IRAK1BP1: variants seen among roughly 807,000 people sequenced by gnomAD.
The protein encoded by IRAK1BP1 is interleukin-1 receptor-associated kinase 1-binding protein 1.
IRAK1BP1 carries 24 observed loss-of-function variants against 28.0 expected under a neutral mutation model. That is an observed-to-expected ratio of 0.86 (90% CI 0.62 to 1.20). The LOEUF (loss-of-function observed/expected upper bound fraction) is 1.20. Among genes scored for constraint, IRAK1BP1 ranks in the 50% most tolerant of loss-of-function variants. The pLI is 0.00. For synonymous variants in IRAK1BP1, 131 were observed against 116.3 expected (o/e 1.13, Z -0.81); for missense variants, 336 against 316.7 (o/e 1.06, Z -0.46).
At chr6:78,974,030 T>C in the IRAK1BP1 span, among the ~76,000 whole-genome samples, 610 of 152,302 alleles carry the variant, frequency 4.0e-3, 1 homozygote, top group African/African-American at 0.013. Flanking sequence ...GCAGACCTAA[T>C]AGACTTCTGC....
intron 1 of IRAK1BP1, among the ~76,000 whole-genome samples, chr6:78,870,109 CAAAAAAAAAAAA>C (rs70977749): frequency 1.2e-4 from 5 of 41,562 alleles, no homozygotes; most frequent in African/African-American, 2.1e-4. Flanking sequence ...AACTCCGTCC[CAAAAAAAAAAAA>C]AAAAAAAAAA....
At chr6:78,913,374 A>C (rs1395349638) in intron 4 of IRAK1BP1, among the ~76,000 whole-genome samples, 3 of 149,246 alleles carry the variant, frequency 2.0e-5, no homozygotes, top group Non-Finnish European at 1.5e-5. Context: ...GGCCGGGCGC[A>C]GTGGCTCACG....
chr6:78,970,943 T>C, the IRAK1BP1 span: 3 of 1,185,640 alleles, frequency 2.5e-6, no homozygotes, highest in Non-Finnish European at 3.6e-6. Flanking sequence ...TAATCCAATA[T>C]ACAGGGTATC....
At chr6:78,970,722 T>G in the IRAK1BP1 span, 23 of 1,099,906 alleles carry the variant, frequency 2.1e-5, no homozygotes, top group East Asian at 5.5e-4. Context: ...TTGATACAAT[T>G]TTCTCCAAAT....
chr6:78,888,546 C>T (rs1203815981), intron 2 of IRAK1BP1, among the ~76,000 whole-genome samples: 2 of 145,754 alleles, frequency 1.4e-5, no homozygotes, highest in Non-Finnish European at 3.0e-5. Context: ...GAGATGGAGT[C>T]TCACTCTGTC....
At chr6:78,974,968 T>G in the IRAK1BP1 span, among the ~76,000 whole-genome samples, 8 of 151,788 alleles carry the variant, frequency 5.3e-5, no homozygotes, top group African/African-American at 1.9e-4. Flanking sequence ...GTACCATTCC[T>G]TCTGAAACTA....
chr6:78,918,552 TAAAACAG>T (rs1772626711), intron 4 of IRAK1BP1, among the ~76,000 whole-genome samples: 1 of 22,834 alleles, frequency 4.4e-5, no homozygotes, highest in South Asian at 1.3e-3. Context: ...TTATATCAGA[TAAAACAG>T]ACTTTAAGCC....
At chr6:78,889,981 T>C (rs1380640321) in intron 2 of IRAK1BP1, among the ~76,000 whole-genome samples, 1 of 152,202 alleles carries the variant, frequency 6.6e-6, no homozygotes, top group Non-Finnish European at 1.5e-5. Flanking sequence ...GTACATTTAT[T>C]GCAGCACTAT....
chr6:78,929,940 T>C lies in IRAK1BP1; in HGVS notation c.*68-15468T>C, dbSNP rs1484618348. On this transcript the variant is annotated intron_variant and NMD_transcript_variant, in intron 4 of 4. Transcript: ENST00000606868. ...ATCATAATTCTGACACAGTTTTTTT[T>C]TGTTTTCGTTTTTTGAGACAGGCTC... 2.6e-5 allele frequency among the ~76,000 whole-genome samples: 4 copies of C among 152,162 alleles called. No homozygotes were observed. In the East Asian group the frequency reaches 7.7e-4, roughly 29 times the overall value.
At chr6:78,931,108 A>G (rs1773035005) in intron 4 of IRAK1BP1, among the ~76,000 whole-genome samples, 1 of 152,112 alleles carries the variant, frequency 6.6e-6, no homozygotes, top group South Asian at 2.1e-4. Flanking sequence ...TGAGATAAAA[A>G]TTTCAGGATG....
At chr6:78,935,677 T>A in intron 4 of IRAK1BP1, 3 of 984,524 alleles carry the variant, frequency 3.0e-6, no homozygotes, top group Non-Finnish European at 3.6e-6. Flanking sequence ...CCCAAATATC[T>A]TTTAACTGAC....
chr6:78,924,392 C>T (rs1408572262), intron 4 of IRAK1BP1, among the ~76,000 whole-genome samples: 2 of 152,080 alleles, frequency 1.3e-5, no homozygotes, highest in Non-Finnish European at 2.9e-5. Context: ...CTGAATAGAG[C>T]AATAACAGGC....
downstream of IRAK1BP1, among the ~76,000 whole-genome samples, chr6:78,947,204 G>C (rs535018102): frequency 2.8e-4 from 42 of 152,186 alleles, no homozygotes; most frequent in African/African-American, 1.0e-3. Context: ...TTTCTATCTA[G>C]GACTAGCATC....
intron 4 of IRAK1BP1, among the ~76,000 whole-genome samples, chr6:78,932,356 C>T (rs1773071390): frequency 6.6e-6 from 1 of 151,760 alleles, no homozygotes; most frequent in South Asian, 2.1e-4. Flanking sequence ...GTACTTTGAC[C>T]AGATTCCTCA....
intron 4 of IRAK1BP1, among the ~76,000 whole-genome samples, chr6:78,910,266 C>T (rs1490291911): frequency 6.6e-6 from 1 of 152,058 alleles, no homozygotes; most frequent in Non-Finnish European, 1.5e-5. Context: ...CTATCAGTTA[C>T]AAGAGGAAGG....
At chr6:78,917,675 A>G (rs1772597520) in intron 4 of IRAK1BP1, among the ~76,000 whole-genome samples, 1 of 151,548 alleles carries the variant, frequency 6.6e-6, no homozygotes, top group South Asian at 2.1e-4. Flanking sequence ...GCAACTACTG[A>G]AAAAGGTCAG....
At chr6:78,896,127 G>A (rs1002063382) in intron 2 of IRAK1BP1, among the ~76,000 whole-genome samples, 76 of 152,112 alleles carry the variant, frequency 5.0e-4, no homozygotes, top group Admixed American at 4.9e-3. Context: ...CTTGTTCATG[G>A]TTTGGAAGAT....
chr6:78,875,764 T>C (rs1267853003), intron 1 of IRAK1BP1, among the ~76,000 whole-genome samples: 3 of 152,144 alleles, frequency 2.0e-5, no homozygotes, highest in Non-Finnish European at 4.4e-5. Flanking sequence ...AACCACGTAG[T>C]GTTTCCTACT....
the IRAK1BP1 span, among the ~76,000 whole-genome samples, chr6:78,972,808 C>T: frequency 0.011 from 1,684 of 151,768 alleles, 14 homozygotes; most frequent in Non-Finnish European, 0.018. Flanking sequence ...TGAAATGAAG[C>T]GAGAAGGGAA....
Sources: gnomAD v4.1 joint callset for allele counts (sites outside exome capture counted in the v4.1 genomes callset) on GRCh38, gnomAD v4.1.1 for gene constraint, MANE v1.5 for transcripts, NCBI Gene and HGNC (gene_info 2026-07-23, HGNC 2026-07-21) for gene names.